FAM20C: variants seen among roughly 807,000 people sequenced by gnomAD.
FAM20C encodes FAM20C golgi associated secretory pathway kinase, also known as extracellular serine/threonine protein kinase FAM20C.
FAM20C carries 40 observed loss-of-function variants against 51.5 expected under a neutral mutation model. The observed-to-expected ratio is 0.78, with a 90% CI of 0.60 to 1.01. The LOEUF is 1.01. Ranked by LOEUF, FAM20C falls within the 50% of genes least tolerant of loss-of-function variation. The pLI, the probability that FAM20C is intolerant of heterozygous loss-of-function variation, is 0.00. For synonymous variants in FAM20C, 406 were observed against 380.6 expected, an observed-to-expected ratio of 1.07 and a Z score of -0.78; for missense variants, 861 against 844.7, an observed-to-expected ratio of 1.02 and a Z score of -0.24.
At chr7:205,262 C>T (rs1786306391) in intron 2 of FAM20C, among the ~76,000 whole-genome samples, 1 of 150,022 alleles carries the variant, frequency 6.7e-6, no homozygotes, top group South Asian at 2.1e-4. Context: ...ACCACCACGA[C>T]GTCAGCCTCC....
chr7:235,944 C>A (rs1219367661), intron 3 of FAM20C, among the ~76,000 whole-genome samples: 3 of 152,238 alleles, frequency 2.0e-5, no homozygotes, highest in Non-Finnish European at 4.4e-5. Flanking sequence ...GCTCGGCTAA[C>A]CCCGCTGGAT....
At chr7:195,958 C>T (rs1031135367) in intron 2 of FAM20C, among the ~76,000 whole-genome samples, 1 of 152,234 alleles carries the variant, frequency 6.6e-6, no homozygotes, top group Non-Finnish European at 1.5e-5. Context: ...AGCGGGGAGA[C>T]GCCTGGACAG....
intron 3 of FAM20C, among the ~76,000 whole-genome samples, chr7:236,639 C>A (rs1306068256): frequency 6.6e-6 from 1 of 152,218 alleles, no homozygotes; most frequent in Non-Finnish European, 1.5e-5. Flanking sequence ...CAAGGGACAT[C>A]TCACAGGGCA....
At chr7:196,863 C>T (rs1293344114) in intron 2 of FAM20C, among the ~76,000 whole-genome samples, 1 of 151,850 alleles carries the variant, frequency 6.6e-6, no homozygotes, top group Non-Finnish European at 1.5e-5. Context: ...TTGATCAGCT[C>T]ACCTCATAAC....
intron 9 of FAM20C, among the ~76,000 whole-genome samples, chr7:259,460 C>G (rs1414068131): frequency 2.6e-5 from 1 of 38,874 alleles, no homozygotes; most frequent in Non-Finnish European, 5.3e-5. Flanking sequence ...GTCTCTGTCT[C>G]TCTCTCTGTC....
At chr7:216,781 A>G (rs1787004262) in intron 3 of FAM20C, among the ~76,000 whole-genome samples, 1 of 151,040 alleles carries the variant, frequency 6.6e-6, no homozygotes, top group East Asian at 1.9e-4. Context: ...AGGCCCAGGA[A>G]CTCCTCCCAG....
rs1384956736 is a variant in FAM20C, at chr7:193,210, T to C, written c.11T>C (p.Met4Thr). Reference sequence around the variant, plus strand: ...CCGGCCCGCGCGGCCATGAAGATGATGCTGGTGCGCCGGTTCCGCGTGCTC... The same window carrying C: ...CCGGCCCGCGCGGCCATGAAGATGACGCTGGTGCGCCGGTTCCGCGTGCTC... MKMMLVRRFRVLIL... is the reference protein window; with the variant it reads MKMTLVRRFRVLIL... Residue 4 changes from methionine (M) to threonine (T), a missense_variant, in exon 1 of 10, where the codon ATG (methionine) becomes ACG (threonine). Met to Thr is a moderately conservative substitution (Grantham distance 81). Around this residue, in one of 3 missense-constraint regions of FAM20C, gnomAD observed 561 missense variants for 499.8 expected, o/e 1.12. Coordinates refer to ENST00000313766, the MANE Select transcript of FAM20C (RefSeq NM_020223.4). 4.8e-6 allele frequency: 7 copies of C among 1,458,236 alleles called. No individual in the cohort carries two copies. The highest frequency in any genetic ancestry group is 6.4e-6 in the Non-Finnish European group (7 of 1,099,446). 90.3% of individuals were successfully genotyped at this position (1,458,236 alleles called of 1,614,324 possible).
chr7:233,536 C>G (rs1787761925), intron 3 of FAM20C, among the ~76,000 whole-genome samples: 1 of 152,224 alleles, frequency 6.6e-6, no homozygotes, highest in African/African-American at 2.4e-5. Flanking sequence ...GCTGAGCTCC[C>G]CCGGGAGGCT....
At chr7:247,433 C>T (rs1318187088) in intron 4 of FAM20C, among the ~76,000 whole-genome samples, 4 of 152,196 alleles carry the variant, frequency 2.6e-5, no homozygotes, top group African/African-American at 7.2e-5. Context: ...TGGGGTGCGG[C>T]CCCAGGGCCG....
intron 3 of FAM20C, chr7:228,499 C>T (rs1562383771): frequency 4.4e-6 from 2 of 456,172 alleles, no homozygotes; most frequent in Non-Finnish European, 8.8e-6. Context: ...TGTCCCTGTC[C>T]CTCCCCTGTG....
At chr7:195,100 A>C (rs530186840) in intron 1 of FAM20C, 242 of 158,582 alleles carry the variant, frequency 1.5e-3, no homozygotes, top group African/African-American at 5.4e-3. Context: ...GAGCTGGGGA[A>C]GGTTCCTGAC....
chr7:256,093 G>T, intron 6 of FAM20C, 64 bp downstream of exon 6: 1 of 1,507,928 alleles, frequency 6.6e-7, no homozygotes, highest in Non-Finnish European at 8.8e-7. Context: ...GGGCCTGGGC[G>T]GGCATGGGAG....
In FAM20C at chr7:208,884, C is replaced by A; in HGVS notation, c.785-14C>A. 6.4e-7 allele frequency: 1 copy of A among 1,561,958 alleles called. No homozygotes were observed. Among genetic ancestry groups the A allele is most frequent in the South Asian group, 1.2e-5 (1 of 84,506 alleles). Reference sequence around the variant, plus strand: ...GCCAGAGAGTGACCCTGTTTCTCTCCCTCCTTCCTGCAGCCATGAAGTCGG... The same window carrying A: ...GCCAGAGAGTGACCCTGTTTCTCTCACTCCTTCCTGCAGCCATGAAGTCGG... On this transcript the variant is annotated splice_polypyrimidine_tract_variant and intron_variant, in intron 2 of 9. Transcript: ENST00000313766.
rs977964806 is a variant in FAM20C, at chr7:255,958, C to G, written c.1182C>G (p.Asp394Glu). The G allele has an allele frequency of 1.7e-4, 262 of 1,536,118 alleles. 1 individual carries two copies. Among genetic ancestry groups the G allele is most frequent in the Non-Finnish European group, 2.0e-4 (234 of 1,146,842 alleles). Residue 394 changes from aspartate to glutamate, a missense_variant, in exon 6 of 10, where the codon GAC (aspartate) becomes GAG (glutamate). By Grantham distance (45) the Asp-to-Glu change is conservative. Coordinates refer to ENST00000313766, the MANE Select transcript of FAM20C (RefSeq NM_020223.4). ...IEGSLAAFLP[D>E]LSLAKRKTWR... The stretch of plus-strand genomic sequence containing the variant: ...GCTCGCTGGCGGCCTTCCTGCCCGA[C>G]CTGTCCCTGGCCAAGAGGAAGACCT...
At chr7:252,848 C>T (rs865827508) in intron 5 of FAM20C, among the ~76,000 whole-genome samples, 8 of 152,358 alleles carry the variant, frequency 5.3e-5, no homozygotes, top group South Asian at 2.1e-4. Flanking sequence ...AAGCCCCAAA[C>T]GCTCACAGAA....
intron 5 of FAM20C, among the ~76,000 whole-genome samples, chr7:250,219 A>C (rs1788342967): frequency 6.6e-6 from 1 of 152,026 alleles, no homozygotes; most frequent in Admixed American, 6.6e-5. Context: ...GCTTTCTCTT[A>C]ATGCATTCAT....
chr7:204,594 G>A (rs1303323345), intron 2 of FAM20C, among the ~76,000 whole-genome samples: 7 of 152,272 alleles, frequency 4.6e-5, no homozygotes, highest in African/African-American at 1.4e-4. Flanking sequence ...AGTGGCCATC[G>A]CTGTGGAGAG....
In FAM20C at chr7:256,029, A is replaced by G; in HGVS notation, c.1253A>G (p.Glu418Gly). ...RRSYHKRKKA[E>G]WEVDPDYCEE... ...TCCTACCACAAGCGCAAGAAGGCCGAGTGAGTGCGGGGCCGGGGGGCTGGC... is the reference window on the plus strand; with the variant it reads ...TCCTACCACAAGCGCAAGAAGGCCGGGTGAGTGCGGGGCCGGGGGGCTGGC... Residue 418 changes from glutamate (E) to glycine (G), a missense_variant and splice_region_variant, in exon 6 of 10, where the codon GAG becomes GGG. Transcript: ENST00000313766. The G allele has an allele frequency of 6.5e-7, 1 of 1,535,344 alleles. No individual in the cohort carries two copies. Among genetic ancestry groups the G allele is most frequent in the Non-Finnish European group, 8.7e-7 (1 of 1,146,546 alleles).
At chr7:206,595 AC>A (rs1786406885) in intron 2 of FAM20C, among the ~76,000 whole-genome samples, 1 of 90,608 alleles carries the variant, frequency 1.1e-5, no homozygotes, top group East Asian at 3.3e-4. Context: ...ACACGTGCTC[AC>A]TGTCCACTGT....
Sources: allele counts gnomAD v4.1 joint callset (sites outside exome capture counted in the v4.1 genomes callset), GRCh38; gene constraint gnomAD v4.1.1; regional missense constraint gnomAD v4.1.1; transcripts MANE v1.5; gene names NCBI Gene and HGNC (gene_info 2026-07-23, HGNC 2026-07-21).